The following USP24 variants were observed in gnomAD, a reference collection of about 807,000 sequenced individuals.
USP24 encodes the protein ubiquitin carboxyl-terminal hydrolase 24.
A neutral mutation model predicts 361.6 loss-of-function variants in USP24; 97 were observed. That is an observed-to-expected ratio of 0.27 (90% CI 0.23 to 0.32). The LOEUF is 0.32. USP24 is among the 10% of genes least tolerant of loss of function. USP24 has a pLI of 1.00. For synonymous variants in USP24, 1,098 were observed against 1,124.6 expected (o/e 0.98, Z 0.47); for missense variants, 2,353 against 3,165.6 (o/e 0.74, Z 6.16).
intron 17 of USP24, 141 bp downstream of exon 17, chr1:55,148,322 C>T (rs1431926673): frequency 3.9e-6 from 2 of 513,408 alleles, no homozygotes; most frequent in Non-Finnish European, 3.3e-6. Context: ...GATGCTTAAA[C>T]TCAAGATTAT....
In USP24 at chr1:55,140,361, C is replaced by T. The variant is rs377712727; in HGVS notation, c.2750+1255G>A. 5.9e-5 allele frequency among the ~76,000 whole-genome samples: 9 copies of T among 152,210 alleles called. No homozygotes were observed. In the South Asian group the frequency reaches 1.9e-3, roughly 32 times the overall value. On this transcript the variant is annotated intron_variant, in intron 24 of 67. Coordinates refer to ENST00000294383, the MANE Select transcript of USP24 (RefSeq NM_015306.3). Reference sequence around the variant, plus strand: ...GAGTCATAGAGATGGCTACATATTACAAACACATAATTGGGAATTCTTAAT... The same window carrying T: ...GAGTCATAGAGATGGCTACATATTATAAACACATAATTGGGAATTCTTAAT...
intron 42 of USP24, among the ~76,000 whole-genome samples, chr1:55,103,378 A>G (rs1248790626): frequency 6.6e-6 from 1 of 152,186 alleles, no homozygotes; most frequent in African/African-American, 2.4e-5. Flanking sequence ...CATTGAAACT[A>G]TCTGCTTATG....
In USP24 at chr1:55,178,113, T is replaced by C. The variant is rs1439001116; in HGVS notation, c.344A>G (p.Asn115Ser). 6.4e-7 allele frequency: 1 copy of C among 1,551,220 alleles called. No homozygotes were observed. Among genetic ancestry groups the C allele is most frequent in the South Asian group, 1.2e-5 (1 of 84,012 alleles). The change falls in exon 2 of 68, where the codon AAC becomes AGC. Residue 115 changes from asparagine (N) to serine (S), a missense_variant. By Grantham distance (46) the Asn-to-Ser change is conservative. Coordinates refer to ENST00000294383, the MANE Select transcript of USP24 (RefSeq NM_015306.3). The stretch of plus-strand genomic sequence containing the variant: ...GAATTCAATTCCTTCCCCTGAGCAG[T>C]TTCCATTCTCATCATTCTTCTGACG... ...VDAEKNDENG[N>S]CSGEGIEFPT... is the part of the protein sequence containing the mutation.
intron 1 of USP24, among the ~76,000 whole-genome samples, chr1:55,192,543 A>G (rs1476389140): frequency 6.6e-6 from 1 of 152,258 alleles, no homozygotes; most frequent in Non-Finnish European, 1.5e-5. Flanking sequence ...CTTGTGTATT[A>G]TAATAAACAA....
intron 1 of USP24, among the ~76,000 whole-genome samples, chr1:55,182,833 C>T (rs1026597434): frequency 3.9e-5 from 6 of 152,074 alleles, no homozygotes; most frequent in African/African-American, 1.2e-4. Flanking sequence ...TCATGCCTCA[C>T]CCTCCCGAGT....
intron 16 of USP24, among the ~76,000 whole-genome samples, chr1:55,151,450 G>A (rs1270683035): frequency 6.6e-6 from 1 of 152,118 alleles, no homozygotes; most frequent in African/African-American, 2.4e-5. Flanking sequence ...TAAGGCTTTT[G>A]GTGTCCTCAT....
At chr1:55,170,158 C>G (rs1018383802) in intron 5 of USP24, among the ~76,000 whole-genome samples, 1 of 151,710 alleles carries the variant, frequency 6.6e-6, no homozygotes, top group African/African-American at 2.4e-5. Context: ...ATGTTGCATA[C>G]AAGAGTAACA....
At chr1:55,131,289 T>C (rs184676430) in intron 31 of USP24, among the ~76,000 whole-genome samples, 2 of 152,318 alleles carry the variant, frequency 1.3e-5, no homozygotes, top group East Asian at 1.9e-4. Context: ...TCATTTTGAA[T>C]AAGCCTCCTC....
At chr1:55,162,375 C>A in intron 7 of USP24, 111 bp from the exon 8 acceptor site, 2 of 893,104 alleles carry the variant, frequency 2.2e-6, no homozygotes, top group Admixed American at 3.7e-5. Flanking sequence ...GTGAGTTGAT[C>A]AAGTCATGAA....
At chr1:55,189,200 CAT>C (rs1369494246) in intron 1 of USP24, among the ~76,000 whole-genome samples, 1 of 152,100 alleles carries the variant, frequency 6.6e-6, no homozygotes, top group African/African-American at 2.4e-5. Context: ...AACACGTATA[CAT>C]GAGTGTTCGT....
chr1:55,125,631 C>T, intron 33 of USP24, 32 bp downstream of exon 33: 1 of 1,577,876 alleles, frequency 6.3e-7, no homozygotes, highest in Non-Finnish European at 8.6e-7. Context: ...TCAAGTATTG[C>T]CTGGTAAGAC....
chr1:55,199,268 G>C (rs936787359), intron 1 of USP24, among the ~76,000 whole-genome samples: 1 of 151,552 alleles, frequency 6.6e-6, no homozygotes, highest in Non-Finnish European at 1.5e-5. Flanking sequence ...TAGCTTGGGC[G>C]ACAGAGCGAG....
At chr1:55,166,718 C>A in intron 5 of USP24, 115 bp from the exon 6 acceptor site, 4 of 1,076,088 alleles carry the variant, frequency 3.7e-6, no homozygotes, top group Non-Finnish European at 2.7e-6. Flanking sequence ...AGTTTGGAAA[C>A]TATTTTCAAA....
intron 1 of USP24, among the ~76,000 whole-genome samples, chr1:55,213,953 G>A (rs951881829): frequency 3.3e-5 from 5 of 151,696 alleles, no homozygotes; most frequent in African/African-American, 1.2e-4. Context: ...CTCTTTCCCC[G>A]GTCTAATTTT....
At chr1:55,091,165 G>A (rs1645366824) in intron 54 of USP24, among the ~76,000 whole-genome samples, 1 of 151,278 alleles carries the variant, frequency 6.6e-6, no homozygotes, top group African/African-American at 2.4e-5. Flanking sequence ...AGGTCCCCAA[G>A]CCCTGGGCCA....
rs187321800 is a variant in USP24 at position 55,078,873 on chromosome 1, G to A, written c.7201-222C>T. Among the ~76,000 whole-genome samples the A allele has an allele frequency of 3.7e-3, 539 of 146,350 alleles. 3 individuals are homozygous for A. Among genetic ancestry groups the A allele is most frequent in the African/African-American group, 0.013 (507 of 39,510 alleles). On this transcript the variant is annotated intron_variant, in intron 60 of 67. Transcript: ENST00000294383. ...GCAAATGTGCACTTTTTCAGGAGTC[G>A]TTTCCATCAGTTTTTCAAAGGCAAA...
chr1:55,200,463 T>C (rs1644540958), intron 1 of USP24, among the ~76,000 whole-genome samples: 1 of 152,198 alleles, frequency 6.6e-6, no homozygotes, highest in South Asian at 2.1e-4. Flanking sequence ...ATTCAATAGA[T>C]TGCTTAGTGT....
In USP24 at chr1:55,067,877, T is replaced by C. The variant is rs891145545; in HGVS notation, c.*1168A>G. The C allele has an allele frequency of 2.6e-5, 4 of 152,360 alleles. No homozygotes were observed. In the South Asian group the frequency reaches 8.3e-4, roughly 32 times the overall value. The allele number at this position is 152,360 out of a possible 1,614,324, so 9.4% of individuals were successfully genotyped here. ...GCTGGTATAAATGAGTGAATGGTGC[T>C]ATACTTTGGAAATACGACTAAATGG... On this transcript the variant is annotated 3_prime_UTR_variant, in exon 68 of 68. Coordinates refer to ENST00000294383, the MANE Select transcript of USP24 (RefSeq NM_015306.3).
intron 59 of USP24, 113 bp downstream of exon 59, chr1:55,081,209 A>T: frequency 9.3e-7 from 1 of 1,072,932 alleles, no homozygotes. Flanking sequence ...AGTGCACCTC[A>T]ACTAGCAAGT....
Sources: gnomAD v4.1 joint callset for allele counts (sites outside exome capture counted in the v4.1 genomes callset) on GRCh38, gnomAD v4.1.1 for gene constraint, MANE v1.5 for transcripts, NCBI Gene and HGNC (gene_info 2026-07-23, HGNC 2026-07-21) for gene names.